GALNT13: variants seen among roughly 807,000 people sequenced by gnomAD.
GALNT13 encodes UDP-GalNAc:polypeptide N-acetylgalactosaminyltransferase 13.
Under a neutral mutation model 64.2 loss-of-function variants are expected in GALNT13, and 28 were observed. The observed-to-expected ratio is 0.44, with a 90% CI of 0.32 to 0.60. The LOEUF (loss-of-function observed/expected upper bound fraction) is 0.60, where lower values mean the gene tolerates loss of function less well. Among genes scored for constraint, GALNT13 ranks in the 20% least tolerant of loss-of-function variants. The probability of loss-of-function intolerance (pLI) is 0.05; values close to 1 mark genes in which losing one functional copy is unlikely to be tolerated. For missense variants in GALNT13, 577 were observed against 669.8 expected (o/e 0.86, Z 1.53); for synonymous variants, 214 against 224.6 (o/e 0.95, Z 0.42).
chr2:153,437,075 C>T, the GALNT13 span, among the ~76,000 whole-genome samples: 194 of 152,166 alleles, frequency 1.3e-3, 3 homozygotes, highest in East Asian at 1.2e-3. Flanking sequence ...GCCTTCATTT[C>T]GTTATGTACC....
the GALNT13 span, among the ~76,000 whole-genome samples, chr2:153,305,183 G>C: frequency 6.7e-6 from 1 of 150,304 alleles, no homozygotes; most frequent in Non-Finnish European, 1.5e-5. Context: ...GGTGTCCTGT[G>C]GGTTTGCTGA....
intron 11 of GALNT13, among the ~76,000 whole-genome samples, chr2:154,410,116 T>G (rs1344947492): frequency 6.6e-6 from 1 of 151,880 alleles, no homozygotes; most frequent in East Asian, 1.9e-4. Flanking sequence ...GCATGGGAAA[T>G]TGACCTTATG....
chr2:153,240,611 C>G, the GALNT13 span, among the ~76,000 whole-genome samples: 250 of 152,204 alleles, frequency 1.6e-3, 6 homozygotes, highest in East Asian at 0.043. Flanking sequence ...GAGAAATAGA[C>G]CTGGGGAGAC....
the GALNT13 span, among the ~76,000 whole-genome samples, chr2:153,211,821 G>A: frequency 1.3e-5 from 2 of 152,170 alleles, no homozygotes; most frequent in African/African-American, 4.8e-5. Flanking sequence ...AACACTAAGA[G>A]TCCAACATGA....
the GALNT13 span, among the ~76,000 whole-genome samples, chr2:153,837,616 C>T: frequency 4.6e-5 from 7 of 151,952 alleles, no homozygotes; most frequent in Non-Finnish European, 1.0e-4. Context: ...ATATTCTACT[C>T]TATGTAACTA....
chr2:154,396,097 C>A lies in GALNT13; in HGVS notation c.1263C>A (p.Ser421=). The part of the protein sequence containing the change: ...SWYLENIYPD[S]QIPRRYYSLG... ...ACCTAGAAAACATCTATCCGGACTC[C>A]CAGATCCCAAGACGTTATTACTCAC... The change falls in exon 10 of 13, where the codon TCC becomes TCA. Residue 421 remains serine, a synonymous_variant. Transcript: ENST00000392825. The A allele has an allele frequency of 6.2e-7, 1 of 1,607,484 alleles. No homozygotes were observed.
chr2:153,086,163 C>T, the GALNT13 span, among the ~76,000 whole-genome samples: 1 of 152,194 alleles, frequency 6.6e-6, no homozygotes, highest in Non-Finnish European at 1.5e-5. Flanking sequence ...TGGGAAGTAA[C>T]TAACTTGCTG....
chr2:154,199,903 A>G (rs901557542), intron 4 of GALNT13, among the ~76,000 whole-genome samples: 1 of 152,198 alleles, frequency 6.6e-6, no homozygotes, highest in African/African-American at 2.4e-5. Context: ...GATTGAAAGC[A>G]TAATAAATTA....
intron 3 of GALNT13, among the ~76,000 whole-genome samples, chr2:154,009,501 C>CTTT (rs34094447): frequency 4.9e-5 from 7 of 142,330 alleles, no homozygotes; most frequent in African/African-American, 1.3e-4. Flanking sequence ...GGTGTTATGG[C>CTTT]TTTTTTTTTT....
At chr2:153,857,172 T>G in the GALNT13 span, among the ~76,000 whole-genome samples, 9 of 152,288 alleles carry the variant, frequency 5.9e-5, no homozygotes, top group East Asian at 1.7e-3. Flanking sequence ...TTTTGCAGGC[T>G]GATCGATGTC....
intron 4 of GALNT13, among the ~76,000 whole-genome samples, chr2:154,146,139 T>TAG (rs2105600009): frequency 1.0e-5 from 1 of 99,234 alleles, no homozygotes; most frequent in East Asian, 2.0e-4. Context: ...TGTGTGTGTA[T>TAG]ATATATATAT....
chr2:154,010,901 G>GTT (rs967841825), intron 3 of GALNT13, among the ~76,000 whole-genome samples: 3 of 151,412 alleles, frequency 2.0e-5, no homozygotes, highest in East Asian at 3.9e-4. Flanking sequence ...GTCTCTGAGG[G>GTT]TTTTTTTGTG....
At chr2:154,140,965 A>G (rs1683225396) in intron 4 of GALNT13, among the ~76,000 whole-genome samples, 1 of 152,148 alleles carries the variant, frequency 6.6e-6, no homozygotes, top group African/African-American at 2.4e-5. Flanking sequence ...TAGGTTATAT[A>G]ATGTAGCCTA....
intron 3 of GALNT13, among the ~76,000 whole-genome samples, chr2:154,002,055 T>G (rs1170038329): frequency 2.0e-5 from 3 of 152,154 alleles, no homozygotes; most frequent in African/African-American, 7.2e-5. Context: ...ATTGGGGCTC[T>G]GTTGTATTTG....
At chr2:153,651,102 G>GCATTGTCCCTATAATTAACAATAC in the GALNT13 span, among the ~76,000 whole-genome samples, 1 of 151,844 alleles carries the variant, frequency 6.6e-6, no homozygotes, top group African/African-American at 2.4e-5. Context: ...ATTAACAATA[G>GCATTGTCCCTATAATTAACAATAC]TGCATTGTAC....
At chr2:153,920,359 G>A (rs1001467372) in intron 2 of GALNT13, among the ~76,000 whole-genome samples, 5 of 151,916 alleles carry the variant, frequency 3.3e-5, no homozygotes, top group Non-Finnish European at 7.4e-5. Context: ...CTTCCACAAA[G>A]CTAACAAAAA....
chr2:154,280,425 T>A (rs577421717), intron 8 of GALNT13, among the ~76,000 whole-genome samples: 2 of 152,180 alleles, frequency 1.3e-5, no homozygotes, highest in South Asian at 4.1e-4. Context: ...TAGAAAAAAA[T>A]TCTCAAGAGG....
chr2:153,161,206 C>T, the GALNT13 span, among the ~76,000 whole-genome samples: 422 of 152,300 alleles, frequency 2.8e-3, no homozygotes, highest in African/African-American at 9.5e-3. Context: ...GGCTGTGCCT[C>T]CTTGACCTGG....
At chr2:153,581,907 T>A in the GALNT13 span, among the ~76,000 whole-genome samples, 4 of 152,116 alleles carry the variant, frequency 2.6e-5, no homozygotes, top group Admixed American at 2.6e-4. Context: ...CAAGGTCCTT[T>A]GAACTTTGCA....
Sources: allele counts gnomAD v4.1 joint callset (sites outside exome capture counted in the v4.1 genomes callset), GRCh38; gene constraint gnomAD v4.1.1; transcripts MANE v1.5; gene names NCBI Gene and HGNC (gene_info 2026-07-23, HGNC 2026-07-21).